METTL15: variants seen among roughly 807,000 people sequenced by gnomAD.
METTL15 encodes methyltransferase 15, mitochondrial 12S rRNA N4-cytidine.
A neutral mutation model predicts 38.3 loss-of-function variants in METTL15; 34 were observed. The ratio of observed to expected loss-of-function variants is 0.89; its 90% CI spans 0.68 to 1.18. The LOEUF is 1.18. METTL15 is among the 50% of genes most tolerant of loss of function. METTL15 has a pLI of 0.00. For synonymous variants in METTL15, 162 were observed against 170.9 expected, an observed-to-expected ratio of 0.95 and a Z score of 0.41; for missense variants, 438 against 498.4, an observed-to-expected ratio of 0.88 and a Z score of 1.15.
chr11:28,292,141 G>C (rs183253634), intron 5 of METTL15, among the ~76,000 whole-genome samples: 1 of 151,328 alleles, frequency 6.6e-6, no homozygotes, highest in Non-Finnish European at 1.5e-5. Context: ...ATGTGCCATG[G>C]TGGTGTGATG....
At chr11:28,450,890 A>T (rs1321680006) in intron 6 of METTL15, among the ~76,000 whole-genome samples, 1 of 152,308 alleles carries the variant, frequency 6.6e-6, no homozygotes, top group South Asian at 2.1e-4. Flanking sequence ...TATTTTCATT[A>T]TACTAATTTA....
At chr11:28,345,522 T>A (rs1306756262) in intron 3 of METTL15, among the ~76,000 whole-genome samples, 4 of 152,196 alleles carry the variant, frequency 2.6e-5, no homozygotes, top group Non-Finnish European at 5.9e-5. Context: ...GATAGTCATA[T>A]ATATTATTTT....
At chr11:28,440,283 T>C (rs910114991) in intron 6 of METTL15, among the ~76,000 whole-genome samples, 2 of 152,202 alleles carry the variant, frequency 1.3e-5, no homozygotes, top group African/African-American at 4.8e-5. Context: ...ATCTAGTGCA[T>C]AATCATTACA....
At chr11:28,522,521 A>G (rs1286293756) in intron 6 of METTL15, among the ~76,000 whole-genome samples, 8 of 152,232 alleles carry the variant, frequency 5.3e-5, no homozygotes, top group African/African-American at 9.6e-5. Flanking sequence ...AACTTAATTT[A>G]TTCGAAGTCC....
intron 4 of METTL15, among the ~76,000 whole-genome samples, chr11:28,212,466 A>G (rs1270972996): frequency 1.3e-5 from 2 of 152,158 alleles, no homozygotes; most frequent in Non-Finnish European, 2.9e-5. Flanking sequence ...TGATGTGAAC[A>G]TTCATGAAGT....
At chr11:28,313,179 A>T (rs897189999) in intron 6 of METTL15, among the ~76,000 whole-genome samples, 1 of 152,138 alleles carries the variant, frequency 6.6e-6, no homozygotes, top group African/African-American at 2.4e-5. Flanking sequence ...CTAAAATAGG[A>T]TAATGGTTTC....
chr11:28,519,152 G>C (rs903494002), intron 6 of METTL15: 2 of 152,170 alleles, frequency 1.3e-5, no homozygotes, highest in African/African-American at 4.8e-5. Flanking sequence ...ACTTTTGTGT[G>C]GATGAAATTC....
rs111303962 is a variant in METTL15, at chr11:28,310,351, T to TACACACACAC, written c.778+13437_778+13446dup. Among the ~76,000 whole-genome samples the TACACACACAC allele has an allele frequency of 3.3e-4, 49 of 147,138 alleles. No individual in the cohort carries two copies. In the East Asian group the frequency reaches 4.2e-3, roughly 13 times the overall value. ...AGAAAATGGAGGAAATGTTCAGAGG[T>TACACACACAC]ACACACACACACACACACACACACA... On this transcript the variant is annotated intron_variant, in intron 6 of 6. Transcript: ENST00000407364.
At position 28,403,999 on chromosome 11, in the gene METTL15, C is replaced by T. The variant is rs554600561; in HGVS notation, c.*359-20300C>T. Among the ~76,000 whole-genome samples the T allele has an allele frequency of 5.3e-4, 80 of 151,914 alleles. No individual in the cohort carries two copies. The Middle Eastern group carries it at 0.01, about 19-fold the overall frequency. On this transcript the variant is annotated intron_variant and NMD_transcript_variant, in intron 5 of 7. Coordinates refer to the METTL15 transcript ENST00000532947. ...AAATTACTGTAGCAATAACTTAGAC[C>T]ACTGTGTTCAACATAAGCTTTAGTT...
intron 4 of METTL15, among the ~76,000 whole-genome samples, chr11:28,236,338 G>A (rs1263409811): frequency 1.3e-5 from 2 of 152,160 alleles, no homozygotes; most frequent in African/African-American, 2.4e-5. Flanking sequence ...AGTTAGGGAG[G>A]ATTCCCTCTT....
chr11:28,268,612 T>G (rs1375389779), intron 4 of METTL15, among the ~76,000 whole-genome samples: 1 of 152,176 alleles, frequency 6.6e-6, no homozygotes, highest in African/African-American at 2.4e-5. Context: ...ACTTAACAGT[T>G]TCAAGTCTAG....
chr11:28,516,491 G>T (rs1457832746), intron 6 of METTL15, among the ~76,000 whole-genome samples: 1 of 152,122 alleles, frequency 6.6e-6, no homozygotes, highest in Middle Eastern at 3.2e-3. Context: ...TGCCTATCAG[G>T]TCTTTGTAAT....
intron 6 of METTL15, among the ~76,000 whole-genome samples, chr11:28,505,081 TGGACC>T: frequency 6.6e-6 from 1 of 152,318 alleles, no homozygotes; most frequent in Admixed American, 6.5e-5. Context: ...GAGCCAGGAC[TGGACC>T]TGGTGGGAAG....
At chr11:28,269,374 C>T (rs1855555089) in intron 4 of METTL15, among the ~76,000 whole-genome samples, 1 of 151,640 alleles carries the variant, frequency 6.6e-6, no homozygotes. Context: ...GCTTTATATC[C>T]TTAAAATGTG....
At chr11:28,449,630 AG>A (rs1486401836) in intron 6 of METTL15, among the ~76,000 whole-genome samples, 6 of 152,166 alleles carry the variant, frequency 3.9e-5, no homozygotes, top group Non-Finnish European at 5.9e-5. Flanking sequence ...TCCACTTTCA[AG>A]TCACAGGCTA....
intron 6 of METTL15, among the ~76,000 whole-genome samples, chr11:28,320,564 C>A (rs1301468320): frequency 6.6e-6 from 1 of 151,760 alleles, no homozygotes; most frequent in Non-Finnish European, 1.5e-5. Flanking sequence ...TGCCCCCGAC[C>A]CCCCAAAAAA....
intron 4 of METTL15, among the ~76,000 whole-genome samples, chr11:28,246,298 A>G (rs1270263022): frequency 2.6e-5 from 4 of 152,162 alleles, no homozygotes; most frequent in Non-Finnish European, 4.4e-5. Context: ...GTTTGAAAAT[A>G]TGTGTATTAT....
intron 6 of METTL15, among the ~76,000 whole-genome samples, chr11:28,495,943 A>G (rs1851532265): frequency 6.6e-6 from 1 of 152,212 alleles, no homozygotes; most frequent in Admixed American, 6.5e-5. Flanking sequence ...GTCTTTCTTC[A>G]TGGCTAACCG....
intron 6 of METTL15, among the ~76,000 whole-genome samples, chr11:28,514,163 C>G (rs963240447): frequency 1.3e-5 from 2 of 152,328 alleles, no homozygotes; most frequent in Non-Finnish European, 2.9e-5. Context: ...AAAAGCCAAT[C>G]AGCATTCTTT....
Sources: gnomAD v4.1 joint callset for allele counts (sites outside exome capture counted in the v4.1 genomes callset) on GRCh38, gnomAD v4.1.1 for gene constraint, MANE v1.5 for transcripts, NCBI Gene and HGNC (gene_info 2026-07-23, HGNC 2026-07-21) for gene names.